Variants in GIPC2 observed in about 807,000 individuals in gnomAD.
GIPC2 encodes PDZ domain-containing protein GIPC2.
A neutral mutation model predicts 30.6 loss-of-function variants in GIPC2; 30 were observed. The observed-to-expected ratio is 0.98, with a 90% CI of 0.73 to 1.33. The LOEUF is 1.33. Ranked by LOEUF, GIPC2 falls within the 40% of genes most tolerant of loss-of-function variation. The pLI is 0.00. For missense variants in GIPC2, 414 were observed against 390.3 expected (o/e 1.06, Z -0.51); for synonymous variants, 167 against 150.0 (o/e 1.11, Z -0.83).
intron 1 of GIPC2, among the ~76,000 whole-genome samples, chr1:78,076,929 T>C (rs947393083): frequency 6.6e-6 from 1 of 151,858 alleles, no homozygotes; most frequent in African/African-American, 2.4e-5. Flanking sequence ...CCACCATGCC[T>C]GGCTATTTTT....
intron 3 of GIPC2, among the ~76,000 whole-genome samples, chr1:78,098,839 A>G (rs1198314692): frequency 6.6e-6 from 1 of 152,146 alleles, no homozygotes; most frequent in Non-Finnish European, 1.5e-5. Flanking sequence ...GAAGATAACT[A>G]TCTATCTGTA....
chr1:78,090,244 T>G (rs658780), intron 2 of GIPC2, among the ~76,000 whole-genome samples: 34,351 of 152,130 alleles, frequency 0.23, 4,194 homozygotes, highest in East Asian at 0.49. Context: ...GCCCAGGCTG[T>G]AGTGCAGTGG....
intron 3 of GIPC2, among the ~76,000 whole-genome samples, chr1:78,114,933 G>A (rs1662540595): frequency 6.6e-6 from 1 of 152,156 alleles, no homozygotes; most frequent in Admixed American, 6.5e-5. Flanking sequence ...TGTACTTTCT[G>A]CTCAGTTTTG....
intron 1 of GIPC2, among the ~76,000 whole-genome samples, chr1:78,053,613 C>T (rs1306813592): frequency 6.6e-6 from 1 of 151,986 alleles, no homozygotes; most frequent in Non-Finnish European, 1.5e-5. Flanking sequence ...CTCCACTCAT[C>T]CTCTTTTAGT....
intron 3 of GIPC2, among the ~76,000 whole-genome samples, chr1:78,117,758 G>A (rs562797931): frequency 1.3e-5 from 2 of 152,204 alleles, no homozygotes; most frequent in Admixed American, 6.5e-5. Context: ...GGAAGCGCAC[G>A]GTATTTGCAG....
intron 1 of GIPC2, among the ~76,000 whole-genome samples, chr1:78,058,673 T>TA (rs1661339091): frequency 6.6e-6 from 1 of 152,224 alleles, no homozygotes; most frequent in Non-Finnish European, 1.5e-5. Context: ...TTTTGTAAAT[T>TA]CATGATACAT....
chr1:78,057,578 A>C (rs1386687896), intron 1 of GIPC2, among the ~76,000 whole-genome samples: 4 of 152,246 alleles, frequency 2.6e-5, no homozygotes, highest in Non-Finnish European at 5.9e-5. Flanking sequence ...GGGAAGAAAG[A>C]ACTAAAAACC....
chr1:78,091,605 C>A (rs373642619), intron 2 of GIPC2: 25 of 764,438 alleles, frequency 3.3e-5, no homozygotes, highest in South Asian at 3.1e-4. Context: ...TTCGGGAATG[C>A]GTTCGTCGTG....
At position 78,080,877 on chromosome 1, in the gene GIPC2, A is replaced by G; in HGVS notation, c.426+17A>G. The G allele has an allele frequency of 2.0e-6, 3 of 1,469,790 alleles. No homozygotes were observed. Among genetic ancestry groups the G allele is most frequent in the South Asian group, 1.2e-5 (1 of 80,126 alleles). The allele number at this position is 1,469,790 out of a possible 1,614,324, so 91.0% of individuals were successfully genotyped here. A position where few individuals can be genotyped will look rare whatever the true frequency, so the allele number is the denominator to read the frequency against. On this transcript the variant is annotated intron_variant, in intron 2 of 5. Transcript: ENST00000370759. Reference sequence around the variant, plus strand: ...TTTATAAAGGTAAGTTTTAAAAAATAACAGTGTAACCTAATTGAGGATAAC... The same window carrying G: ...TTTATAAAGGTAAGTTTTAAAAAATGACAGTGTAACCTAATTGAGGATAAC...
chr1:78,130,982 T>TA (rs200828497), intron 5 of GIPC2, among the ~76,000 whole-genome samples: 132 of 151,522 alleles, frequency 8.7e-4, no homozygotes, highest in Non-Finnish European at 9.9e-4. Context: ...CTATATGTGG[T>TA]AAAAAAAAAT....
chr1:78,115,554 G>C (rs758424532), intron 3 of GIPC2, among the ~76,000 whole-genome samples: 2 of 152,220 alleles, frequency 1.3e-5, no homozygotes, highest in Non-Finnish European at 2.9e-5. Context: ...CAGTGCTGAT[G>C]ATAGGTCAAC....
At chr1:78,045,346 G>A (rs1416645309), upstream of GIPC2, among the ~76,000 whole-genome samples, 4 of 152,190 alleles carry the variant, frequency 2.6e-5, no homozygotes, top group Non-Finnish European at 5.9e-5. Flanking sequence ...GTAGGGAATT[G>A]AGGGAACTCA....
intron 3 of GIPC2, among the ~76,000 whole-genome samples, chr1:78,114,658 G>A (rs1414172121): frequency 6.6e-6 from 1 of 152,142 alleles, no homozygotes; most frequent in Non-Finnish European, 1.5e-5. Context: ...AATCTGGGAT[G>A]TATAGGAGGA....
intron 1 of GIPC2, among the ~76,000 whole-genome samples, chr1:78,074,634 A>G (rs1203325732): frequency 1.3e-5 from 2 of 152,240 alleles, no homozygotes; most frequent in African/African-American, 2.4e-5. Context: ...TGAAGGGTAC[A>G]TAATTGAAAC....
At chr1:78,100,156 G>T (rs1003923144) in intron 3 of GIPC2, among the ~76,000 whole-genome samples, 10 of 152,190 alleles carry the variant, frequency 6.6e-5, no homozygotes, top group Non-Finnish European at 1.3e-4. Flanking sequence ...CAGTGTGAGA[G>T]ACATGAATTA....
At chr1:78,128,403 C>T (rs929393455) in intron 5 of GIPC2, among the ~76,000 whole-genome samples, 4 of 152,158 alleles carry the variant, frequency 2.6e-5, no homozygotes, top group Non-Finnish European at 1.5e-5. Flanking sequence ...GAGTGAATCA[C>T]AGACACAGGG....
At position 78,119,496 on chromosome 1, in the gene GIPC2, A is replaced by G. The variant is rs199817145; in HGVS notation, c.711A>G (p.Glu237=). The G allele has an allele frequency of 2.3e-3, 3,633 of 1,584,386 alleles. 104 individuals are homozygous for G. In the South Asian group the frequency reaches 0.038, roughly 16 times the overall value. Residue 237 remains glutamate, a synonymous_variant, in exon 4 of 6, where the codon GAA becomes GAG. Transcript: ENST00000370759. ...LRSKGPATVE[E]MPSETKAKAI... ...CAAAAGGTCCTGCCACCGTGGAAGA[A>G]ATGGTATGTTATGTTCATTTACTTC... is the stretch of plus-strand genomic sequence containing the variant.
At position 78,138,002 on chromosome 1, in the gene GIPC2, C is replaced by CTTT. The variant is rs368646804; in HGVS notation, c.*2268_*2270dup. Reference sequence around the variant, plus strand: ...CCTGTCCTTTTCACTTTTCTGTAGGCTTTTTTTTTTTAAATGGAAGATGAT... The same window carrying CTTT: ...CCTGTCCTTTTCACTTTTCTGTAGGCTTTTTTTTTTTTTTAAATGGAAGATGAT... On this transcript the variant is annotated 3_prime_UTR_variant, in exon 6 of 6. Coordinates refer to ENST00000370759, the MANE Select transcript of GIPC2 (RefSeq NM_017655.6). 1 of 126,768 alleles carries CTTT rather than the reference C, an allele frequency of 7.9e-6. No homozygotes were observed. The highest frequency in any genetic ancestry group is 1.7e-5 in the Non-Finnish European group (1 of 58,718). The allele number at this position is 126,768 out of a possible 1,614,324, so 7.9% of individuals were successfully genotyped here. A position where few individuals can be genotyped will look rare whatever the true frequency, so the allele number is the denominator to read the frequency against.
At chr1:78,100,057 G>A (rs941394216) in intron 3 of GIPC2, among the ~76,000 whole-genome samples, 5 of 152,182 alleles carry the variant, frequency 3.3e-5, no homozygotes, top group African/African-American at 1.2e-4. Flanking sequence ...ATTTTACAAA[G>A]ATATTTTGGA....
Sources: allele counts gnomAD v4.1 joint callset (sites outside exome capture counted in the v4.1 genomes callset), GRCh38; gene constraint gnomAD v4.1.1; transcripts MANE v1.5; gene names NCBI Gene and HGNC (gene_info 2026-07-23, HGNC 2026-07-21).